Variants in PLCE1 observed in about 807,000 individuals in gnomAD.
The protein encoded by PLCE1 is 1-phosphatidylinositol 4,5-bisphosphate phosphodiesterase epsilon-1.
In PLCE1, 119 loss-of-function variants were observed where a neutral mutation model predicts 242.8. That is an observed-to-expected ratio of 0.49 (90% CI 0.42 to 0.57). The LOEUF (loss-of-function observed/expected upper bound fraction) is 0.57. Ranked by LOEUF, PLCE1 falls within the 20% of genes least tolerant of loss-of-function variation. The probability of loss-of-function intolerance (pLI) is 0.00; values close to 1 mark genes in which losing one functional copy is unlikely to be tolerated. For synonymous variants in PLCE1, 945 were observed against 1,017.4 expected (o/e 0.93, Z 1.35); for missense variants, 2,441 against 2,788.8 (o/e 0.88, Z 2.81).
At chr10:94,071,495 G>GTTTTTTTTTTTTGTTGTTGTTTTTT (rs2044353147) in intron 2 of PLCE1, among the ~76,000 whole-genome samples, 1 of 83,316 alleles carries the variant, frequency 1.2e-5, no homozygotes, top group African/African-American at 5.4e-5. Flanking sequence ...TTTGGTTTTC[G>GTTTTTTTTTTTTGTTGTTGTTTTTT]TTTTTTTTTT....
chr10:94,117,833 C>T (rs1237940739), intron 2 of PLCE1, among the ~76,000 whole-genome samples: 1 of 152,184 alleles, frequency 6.6e-6, no homozygotes, highest in African/African-American at 2.4e-5. Flanking sequence ...TGAAGGACAA[C>T]ATTATTTCAA....
chr10:94,009,612 A>G (rs2061127718), intron 1 of PLCE1, among the ~76,000 whole-genome samples: 1 of 152,222 alleles, frequency 6.6e-6, no homozygotes, highest in African/African-American at 2.4e-5. Flanking sequence ...TATAAAATCA[A>G]AACAACTTAT....
chr10:94,112,690 A>G (rs1183337542), intron 2 of PLCE1, among the ~76,000 whole-genome samples: 1 of 152,200 alleles, frequency 6.6e-6, no homozygotes, highest in Non-Finnish European at 1.5e-5. Context: ...CTCAGGCCTC[A>G]GTATTTTTTT....
intron 2 of PLCE1, among the ~76,000 whole-genome samples, chr10:94,078,264 T>C (rs1419467601): frequency 6.6e-6 from 1 of 152,236 alleles, no homozygotes; most frequent in Non-Finnish European, 1.5e-5. Flanking sequence ...TTTAATATTA[T>C]AGTGATGTGC....
chr10:94,155,545 A>G (rs1468307967), intron 3 of PLCE1: 3 of 152,166 alleles, frequency 2.0e-5, no homozygotes, highest in African/African-American at 7.2e-5. Context: ...GGTGATGTAC[A>G]TGTTCTGAAA....
chr10:94,212,859 T>G (rs181359959), intron 4 of PLCE1, among the ~76,000 whole-genome samples: 553 of 152,340 alleles, frequency 3.6e-3, no homozygotes, highest in Non-Finnish European at 6.4e-3. Context: ...GAGCATCTAC[T>G]TTGTGCAGAA....
chr10:94,225,667 C>T (rs753914672), intron 4 of PLCE1, among the ~76,000 whole-genome samples: 2 of 152,174 alleles, frequency 1.3e-5, no homozygotes, highest in Non-Finnish European at 2.9e-5. Flanking sequence ...TGTCAACTTT[C>T]ACCAGATGAA....
At chr10:94,120,015 C>A (rs1033931531) in intron 2 of PLCE1, among the ~76,000 whole-genome samples, 1 of 152,146 alleles carries the variant, frequency 6.6e-6, no homozygotes, top group Non-Finnish European at 1.5e-5. Context: ...GGCACCCCAG[C>A]GTGGGTCCTA....
intron 3 of PLCE1, among the ~76,000 whole-genome samples, chr10:94,166,579 GGTGTGTGTGTGTGTGT>G (rs56088035): frequency 6.9e-6 from 1 of 145,852 alleles, no homozygotes; most frequent in Non-Finnish European, 1.5e-5. Context: ...AGAGAAAAAA[GGTGTGTGTGTGTGTGT>G]GTGTGTGTGT....
In PLCE1 at chr10:94,269,354, T is replaced by A. The variant is rs139674551; in HGVS notation, c.4389+318T>A. ...TGACCTCAAGTGCTCCGCCCGCCCCTCAGCCTCCCAAAGTACCGGGATTAC... is the reference window on the plus strand; with the variant it reads ...TGACCTCAAGTGCTCCGCCCGCCCCACAGCCTCCCAAAGTACCGGGATTAC... On this transcript the variant is annotated intron_variant, in intron 17 of 32. Coordinates refer to ENST00000371380, the MANE Select transcript of PLCE1 (RefSeq NM_016341.4). Among the ~76,000 whole-genome samples, 84 of 152,008 alleles carry A rather than the reference T, an allele frequency of 5.5e-4. No homozygotes were observed. The East Asian group carries it at 7.0e-3, about 13-fold the overall frequency.
At chr10:94,172,221 G>A (rs1351990135) in intron 4 of PLCE1, among the ~76,000 whole-genome samples, 2 of 152,178 alleles carry the variant, frequency 1.3e-5, no homozygotes, top group African/African-American at 2.4e-5. Flanking sequence ...TCAGGAAAGA[G>A]CAGGGAGTCT....
rs559496577 is a variant in PLCE1, at chr10:94,071,495, G to GTTTTTTTTTTTTTTTTTTTTT, written c.1206+39244_1206+39264dup. Among the ~76,000 whole-genome samples, 23 of 83,308 alleles carry GTTTTTTTTTTTTTTTTTTTTT rather than the reference G, an allele frequency of 2.8e-4. 5 individuals are homozygous for GTTTTTTTTTTTTTTTTTTTTT. Among genetic ancestry groups the GTTTTTTTTTTTTTTTTTTTTT allele is most frequent in the East Asian group, 1.3e-3 (3 of 2,282 alleles). The allele number at this position is 83,308 out of a possible 152,430, so 54.7% of individuals were successfully genotyped here. A position where few individuals can be genotyped will look rare whatever the true frequency, so the allele number is the denominator to read the frequency against. Reference sequence around the variant, plus strand: ...GTCTGTGTGTGTGTGTTTGGTTTTCGTTTTTTTTTTTTTTTTTTTTTGAGT... The same window carrying GTTTTTTTTTTTTTTTTTTTTT: ...GTCTGTGTGTGTGTGTTTGGTTTTCGTTTTTTTTTTTTTTTTTTTTTTTTTTTTTTTTTTTTTTTTTTGAGT... On this transcript the variant is annotated intron_variant, in intron 2 of 32. Coordinates refer to ENST00000371380, the MANE Select transcript of PLCE1 (RefSeq NM_016341.4).
chr10:94,006,906 C>T (rs55917111), intron 1 of PLCE1, among the ~76,000 whole-genome samples: 1,941 of 152,300 alleles, frequency 0.013, 12 homozygotes, highest in Non-Finnish European at 0.021. Flanking sequence ...AGGGAGACCA[C>T]TGAGGGTGAT....
intron 2 of PLCE1, among the ~76,000 whole-genome samples, chr10:94,041,250 G>A (rs1318321904): frequency 6.6e-6 from 1 of 151,980 alleles, no homozygotes; most frequent in Non-Finnish European, 1.5e-5. Flanking sequence ...GAAGAAGGGC[G>A]GTTTCCACCC....
intron 3 of PLCE1, among the ~76,000 whole-genome samples, chr10:94,147,244 A>C (rs1228540351): frequency 1.3e-5 from 2 of 152,100 alleles, no homozygotes; most frequent in Non-Finnish European, 2.9e-5. Flanking sequence ...CAACATGGGG[A>C]AACTCTGTCT....
intron 2 of PLCE1, among the ~76,000 whole-genome samples, chr10:94,110,148 C>T (rs1284588044): frequency 7.8e-6 from 1 of 128,510 alleles, no homozygotes; most frequent in African/African-American, 2.8e-5. Context: ...CTGCAAGGTC[C>T]ACCTCCTGGG....
rs1357825942 is a variant in PLCE1 at position 94,110,053 on chromosome 10, T to TTTTCC, written c.1207-22118_1207-22117insCCTTT. 7.0e-4 allele frequency among the ~76,000 whole-genome samples: 63 copies of TTTTCC among 90,046 alleles called. 1 individual carries two copies. The East Asian group carries it at 0.016, about 23-fold the overall frequency. The allele number at this position is 90,046 out of a possible 152,430, so 59.1% of individuals were successfully genotyped here. ...AGGATAGACCCTTTCCTTTTTTTCTTTTTTCTTTTTTTTTTTTTTTTTTTT... is the reference window on the plus strand; with the variant it reads ...AGGATAGACCCTTTCCTTTTTTTCTTTTTCCTTTTCTTTTTTTTTTTTTTTTTTTT... On this transcript the variant is annotated intron_variant, in intron 2 of 32. Coordinates refer to ENST00000371380, the MANE Select transcript of PLCE1 (RefSeq NM_016341.4).
At chr10:94,130,992 T>C (rs1410397524) in intron 2 of PLCE1, among the ~76,000 whole-genome samples, 1 of 152,228 alleles carries the variant, frequency 6.6e-6, no homozygotes, top group East Asian at 1.9e-4. Flanking sequence ...TTCTGTCTCC[T>C]TTACTAGACT....
At chr10:94,083,383 C>T (rs1378573349) in intron 2 of PLCE1, among the ~76,000 whole-genome samples, 1 of 152,132 alleles carries the variant, frequency 6.6e-6, no homozygotes, top group Non-Finnish European at 1.5e-5. Flanking sequence ...TTCATCAGCC[C>T]ATTTTTTTGG....
Sources: allele counts gnomAD v4.1 joint callset (sites outside exome capture counted in the v4.1 genomes callset), GRCh38; gene constraint gnomAD v4.1.1; transcripts MANE v1.5; gene names NCBI Gene and HGNC (gene_info 2026-07-23, HGNC 2026-07-21).